Variants in XPO6 observed in about 807,000 individuals in gnomAD.
The protein encoded by XPO6 is exportin 6.
A neutral mutation model predicts 130.0 loss-of-function variants in XPO6; 3 were observed. The observed-to-expected ratio is 0.02, with a 90% confidence interval of 0.01 to 0.06. The LOEUF is 0.06. XPO6 is among the 10% of genes least tolerant of loss of function. XPO6 has a pLI of 1.00. For synonymous variants in XPO6, 524 were observed against 548.9 expected (o/e 0.95, Z 0.63); for missense variants, 970 against 1,393.0 (o/e 0.70, Z 4.83).
intron 15 of XPO6, among the ~76,000 whole-genome samples, chr16:28,115,524 C>T (rs1432709646): frequency 6.6e-6 from 1 of 152,200 alleles, no homozygotes; most frequent in South Asian, 2.1e-4. Flanking sequence ...ATGATGTAAA[C>T]AGATGTGCTG....
At chr16:28,182,914 A>T (rs1426801157) in intron 1 of XPO6, among the ~76,000 whole-genome samples, 2 of 152,218 alleles carry the variant, frequency 1.3e-5, no homozygotes, top group African/African-American at 4.8e-5. Context: ...TATTTAAAAT[A>T]AAAAGGCTGT....
chr16:28,103,746 G>A (rs969112605), intron 21 of XPO6, among the ~76,000 whole-genome samples: 21 of 152,324 alleles, frequency 1.4e-4, no homozygotes, highest in African/African-American at 4.3e-4. Context: ...GCAAGGGCAC[G>A]TGCCTGAAAA....
intron 1 of XPO6, 121 bp downstream of exon 1, chr16:28,211,245 A>T (rs992964586): frequency 7.5e-6 from 8 of 1,066,808 alleles, no homozygotes; most frequent in Non-Finnish European, 9.8e-6. Context: ...GTCACCGGCC[A>T]GGCTCCGCAC....
At chr16:28,176,646 C>T (rs565085571) in intron 3 of XPO6, among the ~76,000 whole-genome samples, 52 of 151,860 alleles carry the variant, frequency 3.4e-4, no homozygotes, top group African/African-American at 1.1e-3. Context: ...TACAGGCACC[C>T]GCCACCACGC....
intron 12 of XPO6, among the ~76,000 whole-genome samples, chr16:28,128,178 T>C (rs933213504): frequency 6.6e-6 from 1 of 152,178 alleles, no homozygotes; most frequent in Admixed American, 6.5e-5. Context: ...TTCAAGGTTA[T>C]ATCTATGCAA....
chr16:28,105,741 G>C, intron 20 of XPO6: 1 of 314,646 alleles, frequency 3.2e-6, no homozygotes, highest in Non-Finnish European at 5.9e-6. Flanking sequence ...ACATATGTTA[G>C]AATGTTTGCT....
Position 28,121,181 on chromosome 16 carries a change from G to A in XPO6, c.1859+489C>T, listed in dbSNP as rs564868284. 1.6e-3 allele frequency among the ~76,000 whole-genome samples: 244 copies of A among 152,346 alleles called. 3 individuals carry two copies. The highest frequency in any genetic ancestry group is 2.7e-3 in the Non-Finnish European group (184 of 68,038). ...ATAACCTGGGGTTCTTGTTTAATAC[G>A]CAAATACCCAAGCCTTATGGCCTTA... is the stretch of plus-strand genomic sequence containing the variant. On this transcript the variant is annotated intron_variant, in intron 14 of 23. Transcript: ENST00000304658.
chr16:28,173,532 CA>C (rs778685739), intron 4 of XPO6, among the ~76,000 whole-genome samples: 26 of 152,062 alleles, frequency 1.7e-4, no homozygotes, highest in Non-Finnish European at 3.2e-4. Context: ...CACTTGAGGC[CA>C]AGAAGTCAAG....
intron 6 of XPO6, among the ~76,000 whole-genome samples, chr16:28,163,495 C>T (rs552028634): frequency 4.6e-5 from 7 of 152,308 alleles, no homozygotes; most frequent in Non-Finnish European, 1.0e-4. Context: ...TCATTCTGTG[C>T]ACTTTTTTCC....
chr16:28,104,784 T>C (rs963006965), intron 20 of XPO6, 77 bp from the exon 21 acceptor site: 2 of 1,540,634 alleles, frequency 1.3e-6, no homozygotes, highest in African/African-American at 2.7e-5. Flanking sequence ...CAAAGATGCC[T>C]AGGAGACGCC....
chr16:28,164,323 G>C (rs1364342447), intron 6 of XPO6, among the ~76,000 whole-genome samples: 1 of 152,158 alleles, frequency 6.6e-6, no homozygotes, highest in African/African-American at 2.4e-5. Flanking sequence ...GCTTAACTTG[G>C]CATCTTAAGC....
chr16:28,112,169 A>G (rs205385), intron 16 of XPO6, among the ~76,000 whole-genome samples, 163 bp from the exon 17 acceptor site: 87,492 of 152,170 alleles, frequency 0.57, 27,523 homozygotes, highest in South Asian at 0.72. Flanking sequence ...CTGGAAGGCA[A>G]CTTAGGGAGG....
At chr16:28,161,798 G>A (rs1202037292) in intron 6 of XPO6, among the ~76,000 whole-genome samples, 3 of 152,102 alleles carry the variant, frequency 2.0e-5, no homozygotes, top group African/African-American at 7.2e-5. Context: ...CTAGCATAAG[G>A]TAGAAATGAA....
At chr16:28,164,624 C>T (rs1325857657) in intron 6 of XPO6, among the ~76,000 whole-genome samples, 3 of 152,174 alleles carry the variant, frequency 2.0e-5, no homozygotes, top group Non-Finnish European at 4.4e-5. Flanking sequence ...GTAGGCACCA[C>T]ATTTTAGGTT....
chr16:28,124,543 C>T (rs2087344122), intron 13 of XPO6, among the ~76,000 whole-genome samples: 1 of 152,176 alleles, frequency 6.6e-6, no homozygotes, highest in African/African-American at 2.4e-5. Context: ...AAGCGCACAA[C>T]ATGTGGACCC....
At chr16:28,205,770 G>T (rs1391944560) in intron 1 of XPO6, among the ~76,000 whole-genome samples, 1 of 152,110 alleles carries the variant, frequency 6.6e-6, no homozygotes, top group Non-Finnish European at 1.5e-5. Context: ...AGGCATGGTG[G>T]TTCACGCCTG....
chr16:28,138,678 G>A (rs2141775119), intron 9 of XPO6, among the ~76,000 whole-genome samples: 1 of 152,218 alleles, frequency 6.6e-6, no homozygotes, highest in African/African-American at 2.4e-5. Flanking sequence ...CCTGAAGATG[G>A]GGGCGGTCAA....
chr16:28,167,007 A>T, intron 5 of XPO6: 2 of 596,322 alleles, frequency 3.4e-6, no homozygotes. Flanking sequence ...TATTACTTCC[A>T]TCCTCTGCCC....
At chr16:28,190,227 T>A (rs186605963) in intron 1 of XPO6, among the ~76,000 whole-genome samples, 66 of 151,884 alleles carry the variant, frequency 4.3e-4, no homozygotes, top group East Asian at 2.3e-3. Flanking sequence ...TTCTTTATTT[T>A]TTTTTTTTTT....
Sources: gnomAD v4.1 joint callset for allele counts (sites outside exome capture counted in the v4.1 genomes callset) on GRCh38, gnomAD v4.1.1 for gene constraint, MANE v1.5 for transcripts, NCBI Gene and HGNC (gene_info 2026-07-23, HGNC 2026-07-21) for gene names.